The following PHC2 variants were observed in gnomAD, a reference collection of about 807,000 sequenced individuals.
PHC2 encodes polyhomeotic homolog 2.
A neutral mutation model predicts 87.4 loss-of-function variants in PHC2; 29 were observed. That is an observed-to-expected ratio of 0.33 (90% CI 0.25 to 0.45). The LOEUF (loss-of-function observed/expected upper bound fraction) is 0.45. Ranked by LOEUF, PHC2 falls within the 20% of genes least tolerant of loss-of-function variation. The pLI is 1.00. For synonymous variants in PHC2, 438 were observed against 461.7 expected (o/e 0.95, Z 0.66); for missense variants, 857 against 1,136.7 (o/e 0.75, Z 3.54).
intron 1 of PHC2, among the ~76,000 whole-genome samples, chr1:33,387,608 A>C (rs1648830622): frequency 6.6e-6 from 1 of 152,254 alleles, no homozygotes; most frequent in African/African-American, 2.4e-5. Flanking sequence ...CCTCTGGTAC[A>C]GACACTACTT....
At chr1:33,407,334 T>C (rs1303963794) in intron 1 of PHC2, among the ~76,000 whole-genome samples, 1 of 152,220 alleles carries the variant, frequency 6.6e-6, no homozygotes, top group African/African-American at 2.4e-5. Flanking sequence ...TGTTGGTCAT[T>C]ATACTAGAAA....
intron 1 of PHC2, among the ~76,000 whole-genome samples, chr1:33,428,229 C>T (rs4653135): frequency 0.19 from 28,383 of 152,182 alleles, 2,817 homozygotes; most frequent in South Asian, 0.25. Context: ...ACTACACCAC[C>T]ACTCTCATTT....
intron 1 of PHC2, among the ~76,000 whole-genome samples, chr1:33,395,466 A>C (rs1649256737): frequency 6.6e-6 from 1 of 152,124 alleles, no homozygotes; most frequent in South Asian, 2.1e-4. Context: ...ATAAATAAAT[A>C]AATAAATAAA....
intron 9 of PHC2, chr1:33,345,448 A>C (rs1646828228): frequency 1.7e-6 from 1 of 600,544 alleles, no homozygotes; most frequent in Non-Finnish European, 2.1e-6. Context: ...TGGAAATTGG[A>C]AGAACAGGAA....
chr1:33,375,237 G>A (rs548370250), intron 2 of PHC2, 129 bp downstream of exon 2: 5 of 710,490 alleles, frequency 7.0e-6, no homozygotes, highest in South Asian at 3.0e-5. Context: ...GTGTATCTAC[G>A]AACTCACTCC....
intron 1 of PHC2, among the ~76,000 whole-genome samples, chr1:33,428,803 G>A (rs1425485813): frequency 6.6e-6 from 1 of 152,230 alleles, no homozygotes; most frequent in East Asian, 1.9e-4. Context: ...AGGGTGAACA[G>A]AAAGGAGGAG....
At chr1:33,395,295 G>A (rs1414982124) in intron 1 of PHC2, among the ~76,000 whole-genome samples, 1 of 152,126 alleles carries the variant, frequency 6.6e-6, no homozygotes, top group Non-Finnish European at 1.5e-5. Context: ...TGTGGGGTAC[G>A]GGGTGGGGAA....
At chr1:33,404,856 G>A (rs1649687835) in intron 1 of PHC2, among the ~76,000 whole-genome samples, 2 of 152,294 alleles carry the variant, frequency 1.3e-5, no homozygotes, top group Admixed American at 1.3e-4. Flanking sequence ...CCTTTCTGAG[G>A]AGGTTATATT....
In PHC2 at chr1:33,332,362, ACTT is replaced by A. The variant is rs759736840; in HGVS notation, c.1801_1803del (p.Lys601del). The A allele has an allele frequency of 5.5e-5, 88 of 1,613,916 alleles. No individual in the cohort carries two copies. Among genetic ancestry groups the A allele is most frequent in the South Asian group, 1.5e-4 (14 of 91,078 alleles). ...TTCTCAGGCAGGAACCCCTGTGCAT[ACTT>A]CTTCTTGAGATTCCCCACCAGCAGG... is the stretch of plus-strand genomic sequence containing the variant. On this transcript the variant is annotated inframe_deletion, in exon 11 of 15. Transcript: ENST00000683057. The surrounding 1 kb of genome is among the most constrained non-coding windows in gnomAD (Gnocchi z 4.2).
rs760110448 is a variant in PHC2 at position 33,371,042 on chromosome 1, G to A, written c.386C>T (p.Ala129Val). The A allele has an allele frequency of 1.9e-5, 31 of 1,613,880 alleles. No homozygotes were observed. Among genetic ancestry groups the A allele is most frequent in the Admixed American group, 3.3e-5 (2 of 59,998 alleles). ...CGAAGATGACTGGGCCGGGGCCTGC[G>A]CAGACACATTGCTGCCTGAAGTGCT... is the stretch of plus-strand genomic sequence containing the variant. ...QGSTSGSNVSAQAPAQSSSIN... is the reference protein window; with the variant it reads ...QGSTSGSNVSVQAPAQSSSIN... The change falls in exon 4 of 15, where the codon GCG becomes GTG. Residue 129 changes from alanine to valine, a missense_variant. Physicochemically the swap from Ala to Val is moderately conservative, Grantham distance 64. This residue lies in a region of PHC2 where 832 missense variants were observed against 1,081.8 expected (regional missense o/e 0.77). Coordinates refer to ENST00000683057, the MANE Select transcript of PHC2 (RefSeq NM_001385109.1).
At position 33,372,467 on chromosome 1, in the gene PHC2, G is replaced by A. The variant is rs759713971; in HGVS notation, c.175-20C>T. 1.2e-5 allele frequency: 19 copies of A among 1,521,172 alleles called. No homozygotes were observed. Among genetic ancestry groups the A allele is most frequent in the Admixed American group, 2.0e-5 (1 of 49,204 alleles). The allele number at this position is 1,521,172 out of a possible 1,614,324, so 94.2% of individuals were successfully genotyped here. ...GATCACCTGAGAAGGGAGGGAGGGG[G>A]AAGAGCCAGGCTGGTAGCTGCCACA... On this transcript the variant is annotated intron_variant, in intron 2 of 14. Transcript: ENST00000683057.
chr1:33,360,448 T>G (rs772760591), intron 7 of PHC2, among the ~76,000 whole-genome samples: 16 of 152,254 alleles, frequency 1.1e-4, no homozygotes, highest in Non-Finnish European at 2.2e-4. Flanking sequence ...GGTTTAAATC[T>G]TGGCTCTGAC....
rs749814248 is a variant in PHC2, at chr1:33,330,167, G to A, written c.2052C>T (p.Asp684=). 1.9e-6 allele frequency: 3 copies of A among 1,614,190 alleles called. No individual in the cohort carries two copies. In the South Asian group the frequency reaches 3.3e-5, roughly 18 times the overall value. ...CTKRVGLFHS[D]RSKLQKAGAA... ...CTCCTGCCTTCTGCAGCTTGCTCCG[G>A]TCTGAGTGGAAAAGTCCCACCCGTT... Residue 684 remains aspartate, a synonymous_variant, in exon 13 of 15, where the codon GAC becomes GAT. Transcript: ENST00000683057.
Position 33,410,709 on chromosome 1 carries a change from C to CCT in PHC2, c.-55+20265_-55+20266dup, listed in dbSNP as rs137916635. 5.0e-3 allele frequency among the ~76,000 whole-genome samples: 765 copies of CCT among 152,278 alleles called. 10 individuals are homozygous for CCT. The highest frequency in any genetic ancestry group is 0.017 in the African/African-American group (721 of 41,570). The stretch of plus-strand genomic sequence containing the variant: ...AATGGAAGATTAAATCAGCTGATGT[C>CCT]CTCCTCAGTGCTATTTCCATTTGTA... On this transcript the variant is annotated intron_variant, in intron 1 of 14. Transcript: ENST00000683057.
chr1:33,353,840 G>A (rs955765859), intron 9 of PHC2, among the ~76,000 whole-genome samples: 7 of 152,216 alleles, frequency 4.6e-5, no homozygotes, highest in Admixed American at 3.3e-4. Context: ...GGACCCAGCA[G>A]AGTCTCCTGA....
chr1:33,328,555 TCTAC>T (rs55935051), intron 14 of PHC2, among the ~76,000 whole-genome samples: 42,363 of 151,522 alleles, frequency 0.28, 6,668 homozygotes, highest in Admixed American at 0.44. Context: ...TATCCTACAC[TCTAC>T]CTGACTCCCC....
intron 1 of PHC2, among the ~76,000 whole-genome samples, chr1:33,429,376 T>C (rs1178774604): frequency 6.6e-6 from 1 of 152,238 alleles, no homozygotes; most frequent in African/African-American, 2.4e-5. Flanking sequence ...AAAGCCATAG[T>C]TACAATAGAA....
In PHC2 at chr1:33,370,552, G is replaced by C. The variant is rs769693579; in HGVS notation, c.445C>G (p.Leu149Val). The C allele has an allele frequency of 3.7e-6, 6 of 1,613,740 alleles. No individual in the cohort carries two copies. Among genetic ancestry groups the C allele is most frequent in the Non-Finnish European group, 5.1e-6 (6 of 1,179,678 alleles). ...NLAASPAAAQ[L>V]LNRAQSVNSA... is the part of the protein sequence containing the mutation. ...TTCACACTCTGGGCCCGGTTGAGGA[G>C]CTGGGCTGCTGCTGGGGAGGCTGCC... The change falls in exon 5 of 15, where the codon CTC (leucine) becomes GTC (valine). Residue 149 changes from leucine (L) to valine (V), a missense_variant. Coordinates refer to ENST00000683057, the MANE Select transcript of PHC2 (RefSeq NM_001385109.1).
intron 1 of PHC2, among the ~76,000 whole-genome samples, chr1:33,397,142 A>G (rs1445549325): frequency 3.3e-5 from 5 of 152,206 alleles, no homozygotes; most frequent in Non-Finnish European, 7.3e-5. Context: ...GAGAGGAACC[A>G]TATATTCAGA....
Sources: allele counts gnomAD v4.1 joint callset (sites outside exome capture counted in the v4.1 genomes callset), GRCh38; gene constraint gnomAD v4.1.1; regional missense constraint gnomAD v4.1.1; non-coding constraint Gnocchi (gnomAD v3.1); transcripts MANE v1.5; gene names NCBI Gene and HGNC (gene_info 2026-07-23, HGNC 2026-07-21).